Variants in AGBL4 observed in about 807,000 individuals in gnomAD.
The protein encoded by AGBL4 is cytosolic carboxypeptidase 6.
In AGBL4, 58 loss-of-function variants were observed where a neutral mutation model predicts 66.4. The observed-to-expected ratio is 0.87, with a 90% CI of 0.71 to 1.09. The LOEUF (loss-of-function observed/expected upper bound fraction) is 1.09. Among genes scored for constraint, AGBL4 ranks in the 50% least tolerant of loss-of-function variants. The pLI is 0.00. For missense variants in AGBL4, 579 were observed against 631.0 expected (o/e 0.92, Z 0.88); for synonymous variants, 234 against 222.9 (o/e 1.05, Z -0.44).
At chr1:49,428,700 G>T (rs1187384482) in intron 3 of AGBL4, among the ~76,000 whole-genome samples, 1 of 152,186 alleles carries the variant, frequency 6.6e-6, no homozygotes, top group Non-Finnish European at 1.5e-5. Flanking sequence ...AGTAGTAAAA[G>T]TATTTTGAGT....
chr1:49,562,746 G>T (rs1644083944), intron 3 of AGBL4, among the ~76,000 whole-genome samples: 1 of 152,238 alleles, frequency 6.6e-6, no homozygotes, highest in South Asian at 2.1e-4. Flanking sequence ...GTAGCGTGAT[G>T]CCTCCAGCTT....
intron 2 of AGBL4, among the ~76,000 whole-genome samples, chr1:49,745,249 TTATC>T (rs1650892896): frequency 6.6e-6 from 1 of 152,064 alleles, no homozygotes; most frequent in East Asian, 1.9e-4. Flanking sequence ...TAGTTCTCCT[TTATC>T]TGATTGTTTC....
At chr1:49,757,038 T>C (rs1279571513) in intron 2 of AGBL4, among the ~76,000 whole-genome samples, 1 of 152,082 alleles carries the variant, frequency 6.6e-6, no homozygotes, top group Non-Finnish European at 1.5e-5. Context: ...CAAGTGTTGG[T>C]GAAGGAACCT....
intron 3 of AGBL4, among the ~76,000 whole-genome samples, chr1:49,518,940 G>C (rs938679550): frequency 2.0e-5 from 3 of 152,026 alleles, no homozygotes; most frequent in Non-Finnish European, 2.9e-5. Context: ...TTTCTGAACT[G>C]TTCAAAAGCT....
chr1:49,102,884 C>T (rs148710716), intron 4 of AGBL4, among the ~76,000 whole-genome samples: 1 of 152,292 alleles, frequency 6.6e-6, no homozygotes, highest in African/African-American at 2.4e-5. Flanking sequence ...ATGCCAGCCA[C>T]AAACCCACCA....
At chr1:49,739,017 C>T (rs1023919753) in intron 2 of AGBL4, among the ~76,000 whole-genome samples, 5 of 152,186 alleles carry the variant, frequency 3.3e-5, no homozygotes, top group African/African-American at 7.2e-5. Context: ...TCCAAAGGAA[C>T]GCAGTTCCTC....
chr1:49,559,094 G>A (rs1032036054), intron 3 of AGBL4, among the ~76,000 whole-genome samples: 4 of 152,112 alleles, frequency 2.6e-5, no homozygotes, highest in South Asian at 4.2e-4. Context: ...TATGAACATC[G>A]GAAGTACCTA....
At chr1:49,814,140 C>A (rs1376259561) in intron 2 of AGBL4, among the ~76,000 whole-genome samples, 1 of 152,094 alleles carries the variant, frequency 6.6e-6, no homozygotes, top group Non-Finnish European at 1.5e-5. Context: ...TCCTTATTAG[C>A]AGCATGAGAG....
chr1:48,645,128 T>C (rs903322691), intron 8 of AGBL4, among the ~76,000 whole-genome samples: 4 of 152,190 alleles, frequency 2.6e-5, no homozygotes, highest in African/African-American at 9.7e-5. Context: ...ATTTGAATAA[T>C]TGGTTTTGGC....
chr1:49,606,419 C>T (rs1242593105), intron 3 of AGBL4, among the ~76,000 whole-genome samples: 3 of 152,082 alleles, frequency 2.0e-5, no homozygotes, highest in African/African-American at 4.8e-5. Context: ...CTTAATGCTG[C>T]TGCGATCTTA....
chr1:49,727,848 G>A (rs1182597494), intron 2 of AGBL4, among the ~76,000 whole-genome samples: 2 of 152,050 alleles, frequency 1.3e-5, no homozygotes, highest in African/African-American at 2.4e-5. Context: ...TTACTAAGTG[G>A]ATTAAAACAT....
chr1:48,776,970 C>T (rs1005925309), intron 6 of AGBL4: 4 of 448,500 alleles, frequency 8.9e-6, no homozygotes, highest in East Asian at 8.5e-5. Context: ...AGGCTCCCCC[C>T]ACTGTTATTG....
intron 4 of AGBL4, among the ~76,000 whole-genome samples, chr1:49,097,726 G>T (rs758053262): frequency 6.6e-6 from 1 of 152,112 alleles, no homozygotes; most frequent in Admixed American, 6.5e-5. Context: ...GATTACAGGC[G>T]TGCACCACCA....
At chr1:48,834,121 T>G (rs545044134) in intron 6 of AGBL4, among the ~76,000 whole-genome samples, 10 of 152,216 alleles carry the variant, frequency 6.6e-5, no homozygotes, top group Non-Finnish European at 1.5e-4. Context: ...CTTTTTGGAA[T>G]AGGAATGTCA....
At position 49,878,172 on chromosome 1, in the gene AGBL4, T is replaced by A. The variant is rs1433631409; in HGVS notation, c.35-26654A>T. 2.7e-5 allele frequency among the ~76,000 whole-genome samples: 4 copies of A among 146,664 alleles called. No homozygotes were observed. The East Asian group carries it at 7.8e-4, about 29-fold the overall frequency. The stretch of plus-strand genomic sequence containing the variant: ...GTCTCTATTTCCTTCAGTTCTGCTC[T>A]GATTTTAGTTATTTCTTGCCTTCTG... On this transcript the variant is annotated intron_variant, in intron 1 of 13. Coordinates refer to ENST00000371839, the MANE Select transcript of AGBL4 (RefSeq NM_032785.4).
chr1:49,624,126 T>A (rs1645422119), intron 3 of AGBL4, among the ~76,000 whole-genome samples: 1 of 152,088 alleles, frequency 6.6e-6, no homozygotes, highest in Admixed American at 6.5e-5. Flanking sequence ...CATTTTAAAT[T>A]ATTATTATCA....
intron 2 of AGBL4, among the ~76,000 whole-genome samples, chr1:49,700,811 A>C (rs1343594563): frequency 6.6e-6 from 1 of 152,090 alleles, no homozygotes; most frequent in Non-Finnish European, 1.5e-5. Flanking sequence ...CAGATGATTA[A>C]TTTTTCAATG....
chr1:49,872,200 T>A (rs919533778), intron 1 of AGBL4, among the ~76,000 whole-genome samples: 1 of 152,086 alleles, frequency 6.6e-6, no homozygotes, highest in African/African-American at 2.4e-5. Flanking sequence ...TAGAGTATAC[T>A]CTCATGAGCA....
chr1:49,657,542 A>G (rs1026754902), intron 3 of AGBL4, among the ~76,000 whole-genome samples: 1 of 152,204 alleles, frequency 6.6e-6, no homozygotes, highest in Non-Finnish European at 1.5e-5. Context: ...AAGAACCCAC[A>G]TTGCCAAGAC....
Sources: allele counts gnomAD v4.1 joint callset (sites outside exome capture counted in the v4.1 genomes callset), GRCh38; gene constraint gnomAD v4.1.1; transcripts MANE v1.5; gene names NCBI Gene and HGNC (gene_info 2026-07-23, HGNC 2026-07-21).